GART: variants seen among roughly 807,000 people sequenced by gnomAD.
The protein encoded by GART is trifunctional purine biosynthetic protein adenosine-3.
GART carries 43 observed loss-of-function variants against 107.2 expected under a neutral mutation model. The ratio of observed to expected loss-of-function variants is 0.40; its 90% confidence interval spans 0.31 to 0.52. GART has a LOEUF of 0.52. Among genes scored for constraint, GART ranks in the 20% least tolerant of loss-of-function variants. The probability of loss-of-function intolerance (pLI) is 0.52; values close to 1 mark genes in which losing one functional copy is unlikely to be tolerated. For synonymous variants in GART, 434 were observed against 427.0 expected, an observed-to-expected ratio of 1.02 and a Z score of -0.20; for missense variants, 1,107 against 1,206.5, an observed-to-expected ratio of 0.92 and a Z score of 1.22.
intron 11 of GART, 94 bp downstream of exon 11, chr21:33,524,675 T>C: frequency 6.5e-7 from 1 of 1,548,214 alleles, no homozygotes. Flanking sequence ...GAGAAAAGAA[T>C]ACTGAATGAC....
intron 18 of GART, among the ~76,000 whole-genome samples, chr21:33,508,071 T>G (rs1399499573): frequency 6.6e-6 from 1 of 152,160 alleles, no homozygotes; most frequent in Non-Finnish European, 1.5e-5. Context: ...ATTAATAGAT[T>G]GTGAAAAGCA....
Position 33,539,214 on chromosome 21 carries a change from TG to T in GART, c.101del (p.Pro34GlnfsTer37). On this transcript the variant is annotated frameshift_variant, in exon 2 of 22. Coordinates refer to ENST00000381815, the MANE Select transcript of GART (RefSeq NM_000819.5). LOFTEE classifies it high-confidence loss of function. ...SHHVKQVLVA[P>X]GNAGTACSEK... is the part of the protein sequence containing the mutation. Reference sequence around the variant, plus strand: ...CAGAGCAGGCAGTGCCTGCGTTTCCTGGGGCAACCAACACTTGTTTGACATG... The same window carrying T: ...CAGAGCAGGCAGTGCCTGCGTTTCCTGGGCAACCAACACTTGTTTGACATG... The T allele has an allele frequency of 6.2e-7, 1 of 1,614,178 alleles. No homozygotes were observed. Among genetic ancestry groups the T allele is most frequent in the Non-Finnish European group, 8.5e-7 (1 of 1,180,012 alleles).
intron 11 of GART, among the ~76,000 whole-genome samples, chr21:33,523,250 C>G (rs2085005083): frequency 6.6e-6 from 1 of 152,042 alleles, no homozygotes; most frequent in East Asian, 1.9e-4. Context: ...AAACAAAAAA[C>G]AAAAAAGCTG....
At chr21:33,521,539 G>C (rs1204927944) in intron 12 of GART, among the ~76,000 whole-genome samples, 3 of 151,518 alleles carry the variant, frequency 2.0e-5, no homozygotes, top group Non-Finnish European at 4.4e-5. Flanking sequence ...GGCTGAGGCA[G>C]GAGAATGGCG....
At chr21:33,510,901 C>A (rs1359453685) in intron 17 of GART, among the ~76,000 whole-genome samples, 1 of 152,160 alleles carries the variant, frequency 6.6e-6, no homozygotes, top group African/African-American at 2.4e-5. Flanking sequence ...AGTTCTAGCA[C>A]TTCTCGCAGA....
chr21:33,504,230 A>C lies in GART; in HGVS notation c.2927T>G (p.Val976Gly). 1 of 1,613,940 alleles carries C rather than the reference A, an allele frequency of 6.2e-7. No homozygotes were observed. The highest frequency in any genetic ancestry group is 1.1e-5 in the South Asian group (1 of 91,058). ...AAATATTTTATGTTCTGCTAATTTT[A>C]CTCTTTCAGAAAGAGTTGCGACAGT... is the stretch of plus-strand genomic sequence containing the variant. Reference protein sequence around the residue: ...GDTVATLSERVKLAEHKIFPA... With the variant: ...GDTVATLSERGKLAEHKIFPA... Residue 976 changes from valine to glycine, a missense_variant, in exon 22 of 22, where the codon GTA becomes GGA. Physicochemically the swap from Val to Gly is moderately radical, Grantham distance 109. Coordinates refer to ENST00000381815, the MANE Select transcript of GART (RefSeq NM_000819.5).
intron 10 of GART, among the ~76,000 whole-genome samples, chr21:33,527,907 T>G (rs1022998687): frequency 5.9e-5 from 9 of 152,182 alleles, no homozygotes; most frequent in African/African-American, 2.2e-4. Context: ...AGTGGAAGGC[T>G]GCACTGGGTG....
At chr21:33,519,163 TG>T in intron 14 of GART, 1 of 252,828 alleles carries the variant, frequency 4.0e-6, no homozygotes, top group Non-Finnish European at 7.9e-6. Context: ...GGACTAGGGT[TG>T]GTGCTCAAGG....
rs766109616 is a variant in GART at position 33,534,756 on chromosome 21, A to G, written c.242-3T>C. 3.8e-6 allele frequency: 6 copies of G among 1,567,286 alleles called. No individual in the cohort carries two copies. Among genetic ancestry groups the G allele is most frequent in the East Asian group, 2.3e-5 (1 of 43,986 alleles). On this transcript the variant is annotated splice_region_variant and splice_polypyrimidine_tract_variant and intron_variant, in intron 3 of 21. Coordinates refer to ENST00000381815, the MANE Select transcript of GART (RefSeq NM_000819.5). Reference sequence around the variant, plus strand: ...AGACCTCAGGTTCCCAACAATCCCTATTGATGAAAACAGTAGCCTTAGGTG... The same window carrying G: ...AGACCTCAGGTTCCCAACAATCCCTGTTGATGAAAACAGTAGCCTTAGGTG...
At position 33,511,423 on chromosome 21, in the gene GART, A is replaced by G; in HGVS notation, c.2143T>C (p.Trp715Arg). The change falls in exon 17 of 22, where the codon TGG becomes CGG. Residue 715 changes from tryptophan to arginine, a missense_variant. Transcript: ENST00000381815. ...GAGAGGTGTCCTTCCTGCTGCAACC[A>G]TGAGAAGACCCTGGGGATCCTCCAG... Reference protein sequence around the residue: ...QTWRIPRVFSWLQQEGHLSEE... With the variant: ...QTWRIPRVFSRLQQEGHLSEE... 1 of 1,614,136 alleles carries G rather than the reference A, an allele frequency of 6.2e-7. No individual in the cohort carries two copies. Among genetic ancestry groups the G allele is most frequent in the Non-Finnish European group, 8.5e-7 (1 of 1,180,014 alleles).
intron 15 of GART, 76 bp downstream of exon 15, chr21:33,517,281 G>A: frequency 6.3e-7 from 1 of 1,582,186 alleles, no homozygotes; most frequent in Non-Finnish European, 8.6e-7. Context: ...TTAGCTCTAA[G>A]TAATCAGAGA....
chr21:33,511,338 T>C lies in GART; in HGVS notation c.2228A>G (p.Lys743Arg). ...CGVGAVLVVSKEQTEQILRDI... is the reference protein window; with the variant it reads ...CGVGAVLVVSREQTEQILRDI... ...CCTCAGAATCTGCTCTGTCTGCTCC[T>C]TTGATACCACAAGGACAGCGCCAAC... Residue 743 changes from lysine (K) to arginine (R), a missense_variant, in exon 17 of 22, where the codon AAG (lysine) becomes AGG (arginine). Coordinates refer to ENST00000381815, the MANE Select transcript of GART (RefSeq NM_000819.5). 1 of 1,614,240 alleles carries C rather than the reference T, an allele frequency of 6.2e-7. No homozygotes were observed. The highest frequency in any genetic ancestry group is 8.5e-7 in the Non-Finnish European group (1 of 1,180,038).
chr21:33,538,431 C>G (rs2085345022), intron 2 of GART, among the ~76,000 whole-genome samples: 1 of 151,842 alleles, frequency 6.6e-6, no homozygotes, highest in South Asian at 2.1e-4. Flanking sequence ...TCGGGTCTCA[C>G]TACATTGCCC....
chr21:33,530,605 G>T, intron 7 of GART, 154 bp downstream of exon 7: 1 of 752,916 alleles, frequency 1.3e-6, no homozygotes, highest in Non-Finnish European at 1.8e-6. Flanking sequence ...TAGTTTTAGA[G>T]ACCAGAAAAG....
intron 7 of GART, among the ~76,000 whole-genome samples, chr21:33,530,473 C>G (rs111993112): frequency 3.9e-5 from 6 of 152,160 alleles, no homozygotes; most frequent in Non-Finnish European, 5.9e-5. Context: ...TCCAAGACCA[C>G]GACAGGCTCC....
At chr21:33,520,115 G>A (rs1385331725) in intron 14 of GART, among the ~76,000 whole-genome samples, 1 of 152,106 alleles carries the variant, frequency 6.6e-6, no homozygotes, top group Non-Finnish European at 1.5e-5. Flanking sequence ...TGGGAAGAAA[G>A]ATAAGGCCTG....
At chr21:33,541,545 C>T (rs1009494038) in intron 1 of GART, among the ~76,000 whole-genome samples, 1 of 152,224 alleles carries the variant, frequency 6.6e-6, no homozygotes, top group African/African-American at 2.4e-5. Flanking sequence ...AATAGCCTTA[C>T]TACCCAGTGG....
At chr21:33,529,464 T>G (rs192861632) in intron 7 of GART, 2,253 of 151,768 alleles carry the variant, frequency 0.015, 20 homozygotes, top group Non-Finnish European at 0.022. Context: ...TTTTTTTTTT[T>G]TTTTTGAGGT....
chr21:33,511,912 G>A (rs137990713), intron 16 of GART, among the ~76,000 whole-genome samples: 52 of 152,114 alleles, frequency 3.4e-4, no homozygotes, highest in African/African-American at 1.2e-3. Flanking sequence ...TTAATGGAAG[G>A]CGGATCAACA....
Sources: allele counts gnomAD v4.1 joint callset (sites outside exome capture counted in the v4.1 genomes callset), GRCh38; gene constraint gnomAD v4.1.1; transcripts MANE v1.5; gene names NCBI Gene and HGNC (gene_info 2026-07-23, HGNC 2026-07-21).